Variants in AGBL4 observed in about 807,000 individuals in gnomAD.
AGBL4 encodes the protein AGBL carboxypeptidase 4.
AGBL4 carries 58 observed loss-of-function variants against 66.4 expected under a neutral mutation model. The ratio of observed to expected loss-of-function variants is 0.87; its 90% CI spans 0.71 to 1.09. The LOEUF (loss-of-function observed/expected upper bound fraction) is 1.09, where lower values mean the gene tolerates loss of function less well. AGBL4 is among the 50% of genes least tolerant of loss of function. The pLI is 0.00. For missense variants in AGBL4, 579 were observed against 631.0 expected (o/e 0.92, Z 0.88); for synonymous variants, 234 against 222.9 (o/e 1.05, Z -0.44).
At chr1:49,510,352 C>A (rs1451971228) in intron 3 of AGBL4, among the ~76,000 whole-genome samples, 2 of 151,590 alleles carry the variant, frequency 1.3e-5, no homozygotes, top group Non-Finnish European at 2.9e-5. Context: ...AGCATTTTTT[C>A]ATGTGTTTTT....
At chr1:49,008,954 C>T (rs1014114826) in intron 5 of AGBL4, among the ~76,000 whole-genome samples, 3 of 150,646 alleles carry the variant, frequency 2.0e-5, no homozygotes, top group Non-Finnish European at 4.5e-5. Context: ...ACCCTAAGAT[C>T]ACAATTAAAA....
chr1:50,016,910 A>G (rs138776899), intron 1 of AGBL4, among the ~76,000 whole-genome samples: 4 of 152,312 alleles, frequency 2.6e-5, no homozygotes, highest in Non-Finnish European at 5.9e-5. Context: ...TAGAACTACC[A>G]TTTGATCTAG....
At chr1:48,983,831 A>T (rs1659963067) in intron 5 of AGBL4, among the ~76,000 whole-genome samples, 1 of 152,156 alleles carries the variant, frequency 6.6e-6, no homozygotes, top group Admixed American at 6.6e-5. Context: ...GAGTTGATTG[A>T]AAAGATATCA....
chr1:49,978,456 C>CA (rs964004617), intron 1 of AGBL4, among the ~76,000 whole-genome samples: 2 of 151,724 alleles, frequency 1.3e-5, no homozygotes, highest in South Asian at 2.1e-4. Context: ...AAATAAACAA[C>CA]AAAAAAAATT....
In AGBL4 at chr1:48,749,775, T is replaced by C. The variant is rs138484116; in HGVS notation, c.635-86534A>G. On this transcript the variant is annotated intron_variant, in intron 6 of 13. Transcript: ENST00000371839. ...ACTGGTTCTTCATCTGTGGTTCTTCTACTTCTCTCCTGCCCAACTATCTGT... is the reference window on the plus strand; with the variant it reads ...ACTGGTTCTTCATCTGTGGTTCTTCCACTTCTCTCCTGCCCAACTATCTGT... Among the ~76,000 whole-genome samples, 14 of 152,346 alleles carry C rather than the reference T, an allele frequency of 9.2e-5. No individual in the cohort carries two copies. In the East Asian group the frequency reaches 2.3e-3, roughly 25 times the overall value.
At chr1:49,173,828 A>C (rs1481651934) in intron 4 of AGBL4, among the ~76,000 whole-genome samples, 1 of 152,180 alleles carries the variant, frequency 6.6e-6, no homozygotes, top group Non-Finnish European at 1.5e-5. Flanking sequence ...CAGGATACAC[A>C]AAAAAGACCA....
intron 4 of AGBL4, among the ~76,000 whole-genome samples, chr1:49,151,670 G>C (rs1387455539): frequency 1.3e-5 from 2 of 151,726 alleles, no homozygotes; most frequent in African/African-American, 4.8e-5. Flanking sequence ...AAAAAAGACA[G>C]AGAGAGGGTC....
chr1:49,045,137 C>T (rs1262260667), intron 5 of AGBL4, among the ~76,000 whole-genome samples: 1 of 152,176 alleles, frequency 6.6e-6, no homozygotes, highest in Non-Finnish European at 1.5e-5. Flanking sequence ...CTGCACACCA[C>T]TTGCTAACCT....
At chr1:48,814,299 C>G (rs1483515291) in intron 6 of AGBL4, among the ~76,000 whole-genome samples, 2 of 152,114 alleles carry the variant, frequency 1.3e-5, no homozygotes, top group African/African-American at 2.4e-5. Context: ...TCACTGAATT[C>G]TGCTCATTTG....
At chr1:49,263,177 G>T (rs1239067556) in intron 3 of AGBL4, among the ~76,000 whole-genome samples, 1 of 150,084 alleles carries the variant, frequency 6.7e-6, no homozygotes, top group African/African-American at 2.4e-5. Flanking sequence ...AGTGGGGAGG[G>T]ATAGCATTAG....
At chr1:48,945,825 A>G (rs191911941) in intron 5 of AGBL4, among the ~76,000 whole-genome samples, 7 of 152,338 alleles carry the variant, frequency 4.6e-5, no homozygotes, top group Admixed American at 1.3e-4. Context: ...CTTGTCTACC[A>G]TTAATTAGCT....
intron 2 of AGBL4, among the ~76,000 whole-genome samples, chr1:49,795,177 C>T (rs1222862167): frequency 6.6e-6 from 1 of 151,422 alleles, no homozygotes; most frequent in Non-Finnish European, 1.5e-5. Context: ...CTGGCCTAAA[C>T]ATAAGCATTC....
chr1:49,167,323 T>C (rs1401351926), intron 4 of AGBL4, among the ~76,000 whole-genome samples: 1 of 152,212 alleles, frequency 6.6e-6, no homozygotes, highest in Non-Finnish European at 1.5e-5. Flanking sequence ...TTCACACTTT[T>C]GCTCACATTT....
intron 6 of AGBL4, among the ~76,000 whole-genome samples, chr1:48,681,650 G>C (rs1427257621): frequency 6.6e-6 from 1 of 152,186 alleles, no homozygotes; most frequent in Admixed American, 6.5e-5. Flanking sequence ...TAATCTTCTA[G>C]GTTTCTTCTC....
At chr1:48,720,847 A>G (rs1647135564) in intron 6 of AGBL4, among the ~76,000 whole-genome samples, 1 of 152,142 alleles carries the variant, frequency 6.6e-6, no homozygotes, top group African/African-American at 2.4e-5. Flanking sequence ...CTGGGAATGA[A>G]GGATGGAAGA....
At chr1:48,905,967 TC>T (rs1352270220) in intron 5 of AGBL4, among the ~76,000 whole-genome samples, 1 of 152,080 alleles carries the variant, frequency 6.6e-6, no homozygotes, top group East Asian at 1.9e-4. Context: ...AAAAATTCCT[TC>T]CCCCCATGGA....
At chr1:48,925,623 G>A (rs915859612) in intron 5 of AGBL4, among the ~76,000 whole-genome samples, 5 of 152,100 alleles carry the variant, frequency 3.3e-5, no homozygotes, top group South Asian at 2.1e-4. Context: ...CAAAAGATTG[G>A]ACACCCCTGG....
rs575661575 is a variant in AGBL4, at chr1:49,379,144, T to A, written c.283-133280A>T. ...CTCAAGAGCATTTGCAGGCTGAGGC[T>A]TCTTCACAATCAGAATTCTCATCCT... On this transcript the variant is annotated intron_variant, in intron 3 of 13. Transcript: ENST00000371839. Among the ~76,000 whole-genome samples the A allele has an allele frequency of 5.3e-5, 8 of 152,194 alleles. No homozygotes were observed. The South Asian group carries it at 1.0e-3, about 20-fold the overall frequency.
chr1:49,550,937 T>C (rs1469441505), intron 3 of AGBL4, among the ~76,000 whole-genome samples: 2 of 152,134 alleles, frequency 1.3e-5, no homozygotes, highest in Non-Finnish European at 2.9e-5. Flanking sequence ...ACACCAATTA[T>C]TCTTAGGTTT....
Sources: allele counts gnomAD v4.1 joint callset (sites outside exome capture counted in the v4.1 genomes callset), GRCh38; gene constraint gnomAD v4.1.1; transcripts MANE v1.5; gene names NCBI Gene and HGNC (gene_info 2026-07-23, HGNC 2026-07-21).